NEK11: variants seen among roughly 807,000 people sequenced by gnomAD.
The protein encoded by NEK11 is NIMA related kinase 11, also known as serine/threonine-protein kinase Nek11.
Under a neutral mutation model 80.7 loss-of-function variants are expected in NEK11, and 72 were observed. That is an observed-to-expected ratio of 0.89 (90% CI 0.74 to 1.08). The LOEUF (loss-of-function observed/expected upper bound fraction) is 1.08. Ranked by LOEUF, NEK11 falls within the 50% of genes least tolerant of loss-of-function variation. The pLI is 0.00. For missense variants in NEK11, 764 were observed against 763.6 expected (o/e 1.00, Z -0.01); for synonymous variants, 251 against 260.7 (o/e 0.96, Z 0.36).
chr3:131,244,036 A>T (rs972671273), intron 16 of NEK11, among the ~76,000 whole-genome samples: 2 of 151,932 alleles, frequency 1.3e-5, no homozygotes, highest in Non-Finnish European at 2.9e-5. Context: ...ACTGAGATAC[A>T]CTCTAGCACT....
At chr3:131,222,030 G>A (rs1278584894) in intron 14 of NEK11, among the ~76,000 whole-genome samples, 2 of 152,022 alleles carry the variant, frequency 1.3e-5, no homozygotes, top group African/African-American at 4.8e-5. Flanking sequence ...GCTCCCTTAA[G>A]ACGGTTTACC....
chr3:131,198,539 C>A (rs530487552), intron 14 of NEK11, among the ~76,000 whole-genome samples: 2 of 152,298 alleles, frequency 1.3e-5, no homozygotes, highest in East Asian at 1.9e-4. Flanking sequence ...ACAGTAAGAT[C>A]TCTTCCCTGT....
chr3:131,226,129 GAA>G (rs2095186409), intron 14 of NEK11, among the ~76,000 whole-genome samples: 1 of 152,082 alleles, frequency 6.6e-6, no homozygotes, highest in South Asian at 2.1e-4. Flanking sequence ...ACAACTCAGA[GAA>G]AGAGACACAG....
chr3:131,117,611 G>A (rs1421861669), intron 5 of NEK11, among the ~76,000 whole-genome samples: 1 of 152,148 alleles, frequency 6.6e-6, no homozygotes, highest in East Asian at 1.9e-4. Context: ...CCATGAGCAT[G>A]GAATGTTCTT....
Position 131,152,202 on chromosome 3 carries a change from G to T in NEK11, c.648-186G>T, listed in dbSNP as rs1238704532. ...TGTGCTTTATTCTTTCACTTTTTTG[G>T]TTTTTTTTTTGGTAAACATGTATTT... On this transcript the variant is annotated intron_variant, in intron 7 of 17. Transcript: ENST00000383366. Among the ~76,000 whole-genome samples, 37 of 145,624 alleles carry T rather than the reference G, an allele frequency of 2.5e-4. No homozygotes were observed. Among genetic ancestry groups the T allele is most frequent in the African/African-American group, 9.3e-4 (37 of 39,932 alleles).
chr3:131,132,528 A>C (rs905974720), intron 5 of NEK11, among the ~76,000 whole-genome samples: 4 of 152,082 alleles, frequency 2.6e-5, no homozygotes, highest in Non-Finnish European at 5.9e-5. Context: ...TCTCCAAACT[A>C]CATGTTCCCC....
intron 15 of NEK11, among the ~76,000 whole-genome samples, chr3:131,235,598 C>T (rs1174331783): frequency 6.6e-6 from 1 of 152,046 alleles, no homozygotes; most frequent in Admixed American, 6.6e-5. Context: ...AATCTGAAGG[C>T]ACAGGGGTCT....
intron 15 of NEK11, among the ~76,000 whole-genome samples, chr3:131,236,223 G>A (rs535925805): frequency 2.6e-5 from 4 of 152,252 alleles, no homozygotes; most frequent in African/African-American, 4.8e-5. Context: ...AAGAGCAAGT[G>A]GAAGGATTGA....
intron 16 of NEK11, among the ~76,000 whole-genome samples, chr3:131,245,301 T>TTGTG (rs4044352): frequency 0.069 from 9,716 of 140,752 alleles, 354 homozygotes; most frequent in Middle Eastern, 0.11. Context: ...TAGTATTCCA[T>TTGTG]TGTGTGTGTG....
intron 17 of NEK11, among the ~76,000 whole-genome samples, chr3:131,288,450 C>CTTTCTTTCTTTCTTTTT (rs536834704): frequency 8.1e-4 from 93 of 115,362 alleles, no homozygotes; most frequent in Non-Finnish European, 1.3e-3. Context: ...TTCTTTCTTT[C>CTTTCTTTCTTTCTTTTT]TTTTTTTTTT....
At chr3:131,050,322 A>C (rs2109996483) in intron 3 of NEK11, among the ~76,000 whole-genome samples, 1 of 152,330 alleles carries the variant, frequency 6.6e-6, no homozygotes, top group Middle Eastern at 3.4e-3. Flanking sequence ...CTCTGAAGGG[A>C]TTCCACAGAG....
intron 17 of NEK11, among the ~76,000 whole-genome samples, chr3:131,289,998 T>C (rs2096526911): frequency 6.6e-6 from 1 of 152,232 alleles, no homozygotes; most frequent in Admixed American, 6.5e-5. Context: ...ACACCAGCAG[T>C]TAAAACACAG....
At chr3:131,211,581 T>A (rs2150528392) in intron 14 of NEK11, among the ~76,000 whole-genome samples, 1 of 152,340 alleles carries the variant, frequency 6.6e-6, no homozygotes. Flanking sequence ...TTGGTTCCAT[T>A]CTCCCCGTCA....
At chr3:131,303,200 T>G (rs1384991505) in intron 17 of NEK11, among the ~76,000 whole-genome samples, 1 of 152,208 alleles carries the variant, frequency 6.6e-6, no homozygotes, top group Non-Finnish European at 1.5e-5. Context: ...CTCATTCCCT[T>G]TACTTTGAGC....
intron 4 of NEK11, among the ~76,000 whole-genome samples, chr3:131,086,512 A>T (rs1295375587): frequency 6.6e-6 from 1 of 152,150 alleles, no homozygotes; most frequent in Non-Finnish European, 1.5e-5. Flanking sequence ...GTCACTGTTT[A>T]TTTTGTTGCT....
At chr3:131,155,272 G>C (rs557342563) in intron 10 of NEK11, 151 bp downstream of exon 10, 1 of 599,290 alleles carries the variant, frequency 1.7e-6, no homozygotes, top group East Asian at 2.8e-5. Context: ...CAGGAACTTG[G>C]TGTTCCAAAG....
chr3:131,303,150 C>T (rs537834936), intron 17 of NEK11, among the ~76,000 whole-genome samples: 1 of 152,106 alleles, frequency 6.6e-6, no homozygotes, highest in East Asian at 1.9e-4. Context: ...AGAATAGTGC[C>T]CCTGCTTTTT....
intron 3 of NEK11, among the ~76,000 whole-genome samples, chr3:131,053,050 A>C (rs1473803635): frequency 1.3e-5 from 2 of 152,156 alleles, no homozygotes; most frequent in Non-Finnish European, 2.9e-5. Context: ...TAATGTACCA[A>C]GGAGCCCTAA....
intron 9 of NEK11, among the ~76,000 whole-genome samples, chr3:131,153,494 G>A (rs2090065481): frequency 6.6e-6 from 1 of 152,050 alleles, no homozygotes; most frequent in Admixed American, 6.6e-5. Flanking sequence ...TCTTTAGAGG[G>A]CTTTTGTTTG....
Sources: allele counts gnomAD v4.1 joint callset (sites outside exome capture counted in the v4.1 genomes callset), GRCh38; gene constraint gnomAD v4.1.1; transcripts MANE v1.5; gene names NCBI Gene and HGNC (gene_info 2026-07-23, HGNC 2026-07-21).